FBXO42: variants seen among roughly 807,000 people sequenced by gnomAD.
The protein encoded by FBXO42 is F-box only protein 42.
A neutral mutation model predicts 71.7 loss-of-function variants in FBXO42; 12 were observed. The observed-to-expected ratio is 0.17, with a 90% CI of 0.11 to 0.27. The LOEUF (loss-of-function observed/expected upper bound fraction) is 0.27. FBXO42 is among the 10% of genes least tolerant of loss of function. The probability of loss-of-function intolerance (pLI) is 1.00; values close to 1 mark genes in which losing one functional copy is unlikely to be tolerated. For synonymous variants in FBXO42, 325 were observed against 327.5 expected (o/e 0.99, Z 0.08); for missense variants, 707 against 911.9 (o/e 0.78, Z 2.89).
intron 6 of FBXO42, among the ~76,000 whole-genome samples, chr1:16,254,652 G>A (rs72636592): frequency 6.6e-6 from 1 of 152,342 alleles, no homozygotes; most frequent in Non-Finnish European, 1.5e-5. Context: ...ATATGAAGAT[G>A]GAAATGCCCT....
chr1:16,315,515 T>C (rs1467450137), intron 1 of FBXO42, 80 bp from the exon 2 acceptor site: 27 of 1,431,664 alleles, frequency 1.9e-5, no homozygotes, highest in Admixed American at 4.5e-5. Flanking sequence ...TCCAAGCTCT[T>C]TGTAATTTCG....
intron 1 of FBXO42, among the ~76,000 whole-genome samples, chr1:16,317,790 C>T (rs1321235195): frequency 6.6e-6 from 1 of 151,730 alleles, no homozygotes; most frequent in African/African-American, 2.4e-5. Flanking sequence ...TGTGCTGGCA[C>T]ACATCTGTGG....
intron 4 of FBXO42, among the ~76,000 whole-genome samples, chr1:16,290,203 A>G (rs979093255): frequency 1.3e-5 from 2 of 152,216 alleles, no homozygotes; most frequent in East Asian, 3.8e-4. Flanking sequence ...ATCATTTTGA[A>G]AGGAACTAAA....
intron 1 of FBXO42, among the ~76,000 whole-genome samples, chr1:16,327,534 GATAA>G (rs1490461642): frequency 3.3e-5 from 5 of 152,116 alleles, no homozygotes; most frequent in Admixed American, 6.6e-5. Context: ...AAATTAGAAA[GATAA>G]ATAGATTCAG....
intron 3 of FBXO42, among the ~76,000 whole-genome samples, chr1:16,304,454 C>A (rs1433560182): frequency 6.6e-6 from 1 of 151,922 alleles, no homozygotes; most frequent in Non-Finnish European, 1.5e-5. Context: ...TTGTCACATT[C>A]AAAATTTTTG....
intron 4 of FBXO42, among the ~76,000 whole-genome samples, chr1:16,270,423 G>A (rs1183017586): frequency 6.6e-6 from 1 of 152,148 alleles, no homozygotes; most frequent in Non-Finnish European, 1.5e-5. Context: ...CTAACAACTG[G>A]ACGCTGAAGT....
chr1:16,253,617 A>G lies in FBXO42; in HGVS notation c.864+18T>C. ...ACGCTACAGTGTTTGCTGAATAGTT[A>G]TTTTAATTCCTGAGCACCTGAGATT... On this transcript the variant is annotated intron_variant, in intron 7 of 9. Transcript: ENST00000375592. The G allele has an allele frequency of 6.2e-7, 1 of 1,612,840 alleles. No individual in the cohort carries two copies. Among genetic ancestry groups the G allele is most frequent in the African/African-American group, 1.3e-5 (1 of 75,012 alleles).
rs751146684 is a variant in FBXO42, at chr1:16,315,269, C to A, written c.150G>T (p.Leu50=). The part of the protein sequence containing the change: ...ETRHNRSMSE[L]PEEVLEYILS... ...GGATATACTCCAAAACCTCTTCTGG[C>A]AGCTCCGACATGGACCTATTATGTC... Residue 50 remains leucine (L), a synonymous_variant, in exon 2 of 10, where the codon CTG becomes CTT. Coordinates refer to ENST00000375592, the MANE Select transcript of FBXO42 (RefSeq NM_018994.3). 1 of 1,614,150 alleles carries A rather than the reference C, an allele frequency of 6.2e-7. No individual in the cohort carries two copies. The highest frequency in any genetic ancestry group is 8.5e-7 in the Non-Finnish European group (1 of 1,180,026).
chr1:16,316,904 T>C (rs1285098440), intron 1 of FBXO42, among the ~76,000 whole-genome samples: 2 of 152,110 alleles, frequency 1.3e-5, no homozygotes, highest in Non-Finnish European at 2.9e-5. Flanking sequence ...AAATAAATTG[T>C]GGTACATTCG....
intron 3 of FBXO42, among the ~76,000 whole-genome samples, chr1:16,297,386 CA>C (rs1403652621): frequency 1.3e-5 from 2 of 152,158 alleles, no homozygotes; most frequent in Non-Finnish European, 2.9e-5. Context: ...CCCATAATCT[CA>C]GTCAGTGGAA....
chr1:16,287,532 C>T (rs1312263328), intron 4 of FBXO42, among the ~76,000 whole-genome samples: 1 of 152,166 alleles, frequency 6.6e-6, no homozygotes, highest in East Asian at 1.9e-4. Context: ...ATATTTGTTA[C>T]ATGAACAAGT....
At position 16,337,982 on chromosome 1, in the gene FBXO42, G is replaced by A. The variant is rs147604433; in HGVS notation, c.-18+14273C>T. 8.3e-3 allele frequency among the ~76,000 whole-genome samples: 1,245 copies of A among 150,858 alleles called. 9 individuals carry two copies. The highest frequency in any genetic ancestry group is 0.029 in the African/African-American group (1,175 of 41,156). The stretch of plus-strand genomic sequence containing the variant: ...GGAGGCCAAGGAGGGAGGATTGGCC[G>A]GGCGCGGTGGCTCACACCTGTAATC... On this transcript the variant is annotated intron_variant, in intron 1 of 9. Coordinates refer to ENST00000375592, the MANE Select transcript of FBXO42 (RefSeq NM_018994.3).
chr1:16,268,574 T>C (rs572851813), intron 4 of FBXO42, among the ~76,000 whole-genome samples: 8 of 152,240 alleles, frequency 5.3e-5, no homozygotes, highest in Admixed American at 6.5e-5. Flanking sequence ...TAACCAGGAA[T>C]AGGTCCATGG....
Position 16,251,593 on chromosome 1 carries a change from G to C in FBXO42, c.1231C>G (p.Leu411Val). The change falls in exon 10 of 10, where the codon CTG becomes GTG. Residue 411 changes from leucine (L) to valine (V), a missense_variant. Around this residue, in one of 5 missense-constraint regions of FBXO42, gnomAD observed 482 missense variants for 587.1 expected, o/e 0.82. Coordinates refer to ENST00000375592, the MANE Select transcript of FBXO42 (RefSeq NM_018994.3). The surrounding 1 kb of genome is among the most constrained non-coding windows in gnomAD (Gnocchi z 4.5). ...GTCTGCCTTTGAGCCCTGGGTCTCA[G>C]TGTTCCCCAGCGGCCGTTAACACAA... ...APCVNGRWGT[L>V]RPRAQRQTPS... The C allele has an allele frequency of 1.2e-6, 2 of 1,614,210 alleles. No individual in the cohort carries two copies. The highest frequency in any genetic ancestry group is 1.3e-5 in the African/African-American group (1 of 75,056).
At chr1:16,321,749 G>A (rs2082410954) in intron 1 of FBXO42, among the ~76,000 whole-genome samples, 1 of 151,342 alleles carries the variant, frequency 6.6e-6, no homozygotes, top group South Asian at 2.1e-4. Context: ...CTAGAGTGCA[G>A]TGGCACAATT....
chr1:16,329,684 T>C (rs1295431387), intron 1 of FBXO42, among the ~76,000 whole-genome samples: 1 of 151,446 alleles, frequency 6.6e-6, no homozygotes, highest in Non-Finnish European at 1.5e-5. Context: ...GTGCGGTGGC[T>C]TATGCCTGTA....
At position 16,251,128 on chromosome 1, in the gene FBXO42, T is replaced by C; in HGVS notation, c.1696A>G (p.Met566Val). The C allele has an allele frequency of 6.2e-7, 1 of 1,614,088 alleles. No individual in the cohort carries two copies. The highest frequency in any genetic ancestry group is 1.3e-5 in the African/African-American group (1 of 75,032). Residue 566 changes from methionine to valine, a missense_variant, in exon 10 of 10, where the codon ATG (methionine) becomes GTG (valine). Transcript: ENST00000375592. This position sits in a 1 kb window ranked among gnomAD's most constrained non-coding sequence, Gnocchi z 4.5. ...LRRSLEAIKA[M>V]SSKGPSASAA... ...GAGGCCGAGGGGCCTTTGGAGGACA[T>C]CGCTTTGATGGCTTCCAGACTCCGA...
chr1:16,255,328 CCTAA>C (rs1473053756), intron 6 of FBXO42, among the ~76,000 whole-genome samples: 1 of 148,424 alleles, frequency 6.7e-6, no homozygotes, highest in African/African-American at 2.5e-5. Context: ...GAATACTGAC[CCTAA>C]CTTACTTTTT....
At chr1:16,348,265 G>A (rs902911376) in intron 1 of FBXO42, among the ~76,000 whole-genome samples, 16 of 152,008 alleles carry the variant, frequency 1.1e-4, no homozygotes, top group African/African-American at 2.4e-4. Flanking sequence ...CCAAAAATTC[G>A]AAGTTTTTGC....
Sources: gnomAD v4.1 joint callset for allele counts (sites outside exome capture counted in the v4.1 genomes callset) on GRCh38, gnomAD v4.1.1 for gene constraint, gnomAD v4.1.1 regional missense constraint, Gnocchi (gnomAD v3.1) non-coding constraint, MANE v1.5 for transcripts, NCBI Gene and HGNC (gene_info 2026-07-23, HGNC 2026-07-21) for gene names.